The following NGF variants were observed in gnomAD, a reference collection of about 807,000 sequenced individuals.
NGF encodes the protein nerve growth factor.
NGF carries 4 observed loss-of-function variants against 12.8 expected under a neutral mutation model. That is an observed-to-expected ratio of 0.31 (90% CI 0.15 to 0.72). The LOEUF (loss-of-function observed/expected upper bound fraction) is 0.72. Among genes scored for constraint, NGF ranks in the 30% least tolerant of loss-of-function variants. The pLI is 0.69. For synonymous variants in NGF, 140 were observed against 130.0 expected (o/e 1.08, Z -0.52); for missense variants, 283 against 330.8 (o/e 0.86, Z 1.12).
intron 1 of NGF, among the ~76,000 whole-genome samples, chr1:115,329,599 G>A (rs1273110347): frequency 1.3e-5 from 2 of 151,960 alleles, no homozygotes; most frequent in African/African-American, 2.4e-5. Flanking sequence ...TAAAACAAAA[G>A]TTTCATAAAA....
chr1:115,328,371 C>T (rs1188337677), intron 1 of NGF, among the ~76,000 whole-genome samples: 3 of 152,166 alleles, frequency 2.0e-5, no homozygotes, highest in African/African-American at 7.2e-5. Context: ...CTTTCATGTG[C>T]CCTCCACTGG....
In NGF at chr1:115,290,967, G is replaced by T. The variant is rs78640912; in HGVS notation, c.-13+2660C>A. Among the ~76,000 whole-genome samples, 829 of 152,294 alleles carry T rather than the reference G, an allele frequency of 5.4e-3. 4 individuals are homozygous for T. The highest frequency in any genetic ancestry group is 0.019 in the African/African-American group (783 of 41,562). On this transcript the variant is annotated intron_variant, in intron 2 of 2. Coordinates refer to ENST00000369512, the MANE Select transcript of NGF (RefSeq NM_002506.3). ...ATATTCTTTCATTTCAGGTAATTAT[G>T]AAGTTTTCTACCCTGCCTTGCATCT... is the stretch of plus-strand genomic sequence containing the variant.
At chr1:115,324,086 A>G (rs1263376051) in intron 1 of NGF, among the ~76,000 whole-genome samples, 2 of 152,178 alleles carry the variant, frequency 1.3e-5, no homozygotes, top group Admixed American at 6.5e-5. Context: ...TTGAGATGGT[A>G]CAAGGGGCTC....
intron 1 of NGF, among the ~76,000 whole-genome samples, chr1:115,303,803 T>C (rs1364108891): frequency 6.6e-6 from 1 of 152,218 alleles, no homozygotes; most frequent in Non-Finnish European, 1.5e-5. Context: ...TCATAGGCCA[T>C]CAGTAGAATC....
intron 1 of NGF, among the ~76,000 whole-genome samples, chr1:115,294,584 T>A (rs902917160): frequency 6.6e-6 from 1 of 152,214 alleles, no homozygotes; most frequent in African/African-American, 2.4e-5. Context: ...AGATTCTTTA[T>A]ATGCCATGAA....
chr1:115,325,565 C>T (rs1196855853), intron 1 of NGF, among the ~76,000 whole-genome samples: 2 of 152,030 alleles, frequency 1.3e-5, no homozygotes, highest in Non-Finnish European at 2.9e-5. Flanking sequence ...AAAGCCATGG[C>T]AAGATAATTT....
At chr1:115,295,113 C>T (rs1273708864) in intron 1 of NGF, among the ~76,000 whole-genome samples, 1 of 152,178 alleles carries the variant, frequency 6.6e-6, no homozygotes, top group Admixed American at 6.5e-5. Flanking sequence ...ATATCTTCAT[C>T]CAACTCCCTC....
rs150947835 is a variant in NGF at position 115,298,912 on chromosome 1, G to A, written c.-136-5162C>T. ...GTTGAGGAAATAAGAATAGTTGTTG[G>A]TGTGACTACTGTGATCTTCCTGGCT... On this transcript the variant is annotated intron_variant, in intron 1 of 2. Transcript: ENST00000369512. Among the ~76,000 whole-genome samples, 3 of 152,144 alleles carry A rather than the reference G, an allele frequency of 2.0e-5. No homozygotes were observed. The East Asian group carries it at 5.9e-4, about 30-fold the overall frequency.
At chr1:115,335,714 C>A (rs1004738587) in intron 1 of NGF, among the ~76,000 whole-genome samples, 1 of 152,200 alleles carries the variant, frequency 6.6e-6, no homozygotes. Flanking sequence ...AATGGCTGGG[C>A]CTCTGCTCCC....
chr1:115,309,838 A>G (rs985662823), intron 1 of NGF, among the ~76,000 whole-genome samples: 5 of 150,784 alleles, frequency 3.3e-5, no homozygotes, highest in African/African-American at 1.2e-4. Context: ...GTATTTTAAA[A>G]TAATTTGACA....
intron 1 of NGF, among the ~76,000 whole-genome samples, chr1:115,305,391 T>G (rs1474321203): frequency 2.0e-5 from 3 of 152,164 alleles, no homozygotes; most frequent in Non-Finnish European, 4.4e-5. Flanking sequence ...TGCTCTGCAA[T>G]TCACTCCTTT....
chr1:115,286,498 T>G lies in NGF; in HGVS notation c.298A>C (p.Thr100Pro), dbSNP rs758948909. The change falls in exon 3 of 3, where the codon ACT (threonine) becomes CCT (proline). Residue 100 changes from threonine (T) to proline (P), a missense_variant. By Grantham distance (38) the Thr-to-Pro change is conservative. Coordinates refer to ENST00000369512, the MANE Select transcript of NGF (RefSeq NM_002506.3). ...CCGACCTCGAAGTCCAGATCCTGAG[T>G]GTCTGCAGCTTCACGGGGAGGCTGG... The part of the protein sequence containing the change: ...STQPPREAAD[T>P]QDLDFEVGGA... 2 of 1,613,994 alleles carry G rather than the reference T, an allele frequency of 1.2e-6. No individual in the cohort carries two copies. Among genetic ancestry groups the G allele is most frequent in the Non-Finnish European group, 1.7e-6 (2 of 1,180,018 alleles).
chr1:115,337,267 G>GTTTTTTTTTT lies in NGF; in HGVS notation c.-137+927_-137+936dup, dbSNP rs67307707. Among the ~76,000 whole-genome samples, 81 of 81,016 alleles carry GTTTTTTTTTT rather than the reference G, an allele frequency of 1.0e-3. 10 individuals are homozygous for GTTTTTTTTTT. Among genetic ancestry groups the GTTTTTTTTTT allele is most frequent in the Middle Eastern group, 8.2e-3 (1 of 122 alleles). 53.1% of individuals were successfully genotyped at this position (81,016 alleles called of 152,430 possible). On this transcript the variant is annotated intron_variant, in intron 1 of 2. Transcript: ENST00000369512. ...TCGAAATTTTTTTTGTTTTGTTTTT[G>GTTTTTTTTTT]TTTTTTTTTTTTTTTTTTTTTTTTT...
chr1:115,323,997 C>T (rs1310376276), intron 1 of NGF, among the ~76,000 whole-genome samples: 1 of 152,168 alleles, frequency 6.6e-6, no homozygotes, highest in Admixed American at 6.5e-5. Flanking sequence ...ACCTGGAATC[C>T]CGGGACCTTG....
chr1:115,291,925 A>G (rs906542492), intron 2 of NGF, among the ~76,000 whole-genome samples: 1 of 151,966 alleles, frequency 6.6e-6, no homozygotes, highest in Non-Finnish European at 1.5e-5. Flanking sequence ...GCCACGAGTG[A>G]TTCTTGGGCT....
At chr1:115,302,309 C>T (rs1050745142) in intron 1 of NGF, among the ~76,000 whole-genome samples, 2 of 152,180 alleles carry the variant, frequency 1.3e-5, no homozygotes, top group African/African-American at 4.8e-5. Context: ...CTAAGACCCT[C>T]GTTCCACCTT....
At chr1:115,319,480 A>C (rs912818810) in intron 1 of NGF, among the ~76,000 whole-genome samples, 4 of 152,206 alleles carry the variant, frequency 2.6e-5, no homozygotes, top group South Asian at 2.1e-4. Context: ...TGCTACTGCA[A>C]AACCCTCGCC....
chr1:115,318,330 G>A (rs1481684636), intron 1 of NGF, among the ~76,000 whole-genome samples: 1 of 152,150 alleles, frequency 6.6e-6, no homozygotes, highest in Non-Finnish European at 1.5e-5. Flanking sequence ...ATTGGACAGT[G>A]CTTCCCCTCC....
chr1:115,286,132 A>G lies in NGF; in HGVS notation c.664T>C (p.Phe222Leu). The change falls in exon 3 of 3, where the codon TTT (phenylalanine) becomes CTT (leucine). Residue 222 changes from phenylalanine (F) to leucine (L), a missense_variant. This residue lies in a region of NGF where 132 missense variants were observed against 189.2 expected (regional missense o/e 0.70). Coordinates refer to ENST00000369512, the MANE Select transcript of NGF (RefSeq NM_002506.3). ...TMDGKQAAWR[F>L]IRIDTACVCV... ...ACACAGGCCGTATCTATCCGGATAA[A>G]CCGCCAGGCAGCCTGCTTGCCATCC... is the stretch of plus-strand genomic sequence containing the variant. The G allele has an allele frequency of 6.2e-7, 1 of 1,613,598 alleles. No individual in the cohort carries two copies. The highest frequency in any genetic ancestry group is 8.5e-7 in the Non-Finnish European group (1 of 1,179,642).
Sources: gnomAD v4.1 joint callset for allele counts (sites outside exome capture counted in the v4.1 genomes callset) on GRCh38, gnomAD v4.1.1 for gene constraint, gnomAD v4.1.1 regional missense constraint, MANE v1.5 for transcripts, NCBI Gene and HGNC (gene_info 2026-07-23, HGNC 2026-07-21) for gene names.